The following IQCJ variants were observed in gnomAD, a reference collection of about 807,000 sequenced individuals.
The protein encoded by IQCJ is IQ domain-containing protein J.
Under a neutral mutation model 11.0 loss-of-function variants are expected in IQCJ, and 9 were observed. That is an observed-to-expected ratio of 0.82 (90% confidence interval 0.49 to 1.43). The LOEUF is 1.43. Among genes scored for constraint, IQCJ ranks in the 40% most tolerant of loss-of-function variants. The probability of loss-of-function intolerance (pLI) is 0.00; values close to 1 mark genes in which losing one functional copy is unlikely to be tolerated. For missense variants in IQCJ, 146 were observed against 133.2 expected, an observed-to-expected ratio of 1.10 and a Z score of -0.47; for synonymous variants, 55 against 51.3, an observed-to-expected ratio of 1.07 and a Z score of -0.31.
intron 1 of IQCJ, among the ~76,000 whole-genome samples, chr3:159,244,796 T>C (rs2108192587): frequency 6.6e-6 from 1 of 152,260 alleles, no homozygotes; most frequent in Middle Eastern, 3.4e-3. Flanking sequence ...GTTATAATCA[T>C]GTAGAGGCTA....
chr3:159,078,797 T>G (rs891822873), intron 1 of IQCJ, among the ~76,000 whole-genome samples: 9 of 152,096 alleles, frequency 5.9e-5, no homozygotes, highest in African/African-American at 2.2e-4. Flanking sequence ...TAGTCCTTAC[T>G]AGCCATATAA....
chr3:159,214,568 C>G (rs981929907), intron 1 of IQCJ, among the ~76,000 whole-genome samples: 3 of 152,190 alleles, frequency 2.0e-5, no homozygotes, highest in African/African-American at 7.2e-5. Context: ...CTTTCAATGA[C>G]TCAATTTCTA....
intron 1 of IQCJ, among the ~76,000 whole-genome samples, chr3:159,232,077 A>G (rs1726286695): frequency 6.6e-6 from 1 of 152,048 alleles, no homozygotes. Flanking sequence ...TTTTCAAAAA[A>G]CCAGCTCCTG....
chr3:159,110,132 A>G (rs561897950), intron 1 of IQCJ, among the ~76,000 whole-genome samples: 3 of 152,324 alleles, frequency 2.0e-5, no homozygotes, highest in South Asian at 4.2e-4. Flanking sequence ...GAGGTGGACA[A>G]TGTAGGCTTC....
At chr3:159,083,732 T>C (rs1716494670) in intron 1 of IQCJ, among the ~76,000 whole-genome samples, 2 of 152,174 alleles carry the variant, frequency 1.3e-5, no homozygotes. Flanking sequence ...GTGTGACTGG[T>C]TAGTCAAACT....
At chr3:159,130,159 G>A (rs1050126074) in intron 1 of IQCJ, among the ~76,000 whole-genome samples, 8 of 152,088 alleles carry the variant, frequency 5.3e-5, no homozygotes, top group Admixed American at 4.6e-4. Flanking sequence ...AGAATGTTAT[G>A]TAAATAGAAT....
intron 1 of IQCJ, among the ~76,000 whole-genome samples, chr3:159,154,333 A>G (rs1027369434): frequency 6.6e-6 from 1 of 152,178 alleles, no homozygotes; most frequent in Non-Finnish European, 1.5e-5. Context: ...CATGGACCCA[A>G]ACACAATGAG....
At chr3:159,092,018 C>G (rs943861584) in intron 1 of IQCJ, among the ~76,000 whole-genome samples, 6 of 151,690 alleles carry the variant, frequency 4.0e-5, no homozygotes, top group African/African-American at 1.5e-4. Flanking sequence ...TATTCTCATA[C>G]TCTCAAAGTC....
At chr3:159,072,503 G>A (rs1046332210) in intron 1 of IQCJ, among the ~76,000 whole-genome samples, 1 of 151,946 alleles carries the variant, frequency 6.6e-6, no homozygotes, top group Non-Finnish European at 1.5e-5. Context: ...ACAGAGTTGG[G>A]CTTTAAATTT....
intron 1 of IQCJ, among the ~76,000 whole-genome samples, chr3:159,223,224 A>G (rs934663982): frequency 6.6e-6 from 1 of 152,132 alleles, no homozygotes; most frequent in Admixed American, 6.6e-5. Flanking sequence ...ATGTGAGCCT[A>G]TGAAGTGATG....
At chr3:159,069,763 C>A (rs992922780) in intron 1 of IQCJ, 1 of 541,316 alleles carries the variant, frequency 1.8e-6, no homozygotes, top group Non-Finnish European at 3.5e-6. Context: ...TACACAACAA[C>A]AGCAAGTAGA....
At chr3:159,071,474 T>A (rs1715556412) in intron 1 of IQCJ, among the ~76,000 whole-genome samples, 1 of 152,060 alleles carries the variant, frequency 6.6e-6, no homozygotes, top group African/African-American at 2.4e-5. Flanking sequence ...GCTAAAGATT[T>A]ACTAGCACCT....
At chr3:159,234,217 C>T (rs1726439902) in intron 1 of IQCJ, among the ~76,000 whole-genome samples, 1 of 152,160 alleles carries the variant, frequency 6.6e-6, no homozygotes, top group African/African-American at 2.4e-5. Context: ...GCATATTTTG[C>T]TATTTTTATA....
chr3:159,247,814 G>A (rs926185424), intron 2 of IQCJ, among the ~76,000 whole-genome samples: 1 of 152,142 alleles, frequency 6.6e-6, no homozygotes, highest in Non-Finnish European at 1.5e-5. Context: ...TTTATGGCTT[G>A]CATCATGGAA....
chr3:159,124,944 G>C (rs1254270431), intron 1 of IQCJ, among the ~76,000 whole-genome samples: 1 of 152,102 alleles, frequency 6.6e-6, no homozygotes, highest in African/African-American at 2.4e-5. Flanking sequence ...ATACTCGCAA[G>C]GTACATTCTA....
intron 2 of IQCJ, among the ~76,000 whole-genome samples, chr3:159,249,193 G>A (rs1045778396): frequency 6.6e-6 from 1 of 151,896 alleles, no homozygotes; most frequent in Non-Finnish European, 1.5e-5. Flanking sequence ...AGTTTTTTTT[G>A]TTCTGCTAAC....
In IQCJ at chr3:159,104,896, A is replaced by C. The variant is rs1161923194; in HGVS notation, c.9+35455A>C. ...TTCCTTATTGAAACCAAGGTCACAC[A>C]TTGTTATAATGCTGTACTAGTCAAT... On this transcript the variant is annotated intron_variant, in intron 1 of 3. Coordinates refer to ENST00000397832, the MANE Select transcript of IQCJ (RefSeq NM_001042706.3). Among the ~76,000 whole-genome samples, 4 of 152,188 alleles carry C rather than the reference A, an allele frequency of 2.6e-5. No individual in the cohort carries two copies. The East Asian group carries it at 7.7e-4, about 29-fold the overall frequency.
intron 1 of IQCJ, among the ~76,000 whole-genome samples, chr3:159,195,892 G>T (rs978010994): frequency 2.0e-5 from 3 of 152,218 alleles, no homozygotes; most frequent in Non-Finnish European, 4.4e-5. Flanking sequence ...TTATTAAGTG[G>T]ACAGTACAGT....
intron 1 of IQCJ, among the ~76,000 whole-genome samples, chr3:159,190,421 C>T (rs753604829): frequency 2.6e-4 from 39 of 152,200 alleles, no homozygotes; most frequent in Admixed American, 2.1e-3. Flanking sequence ...TTTACAGTCT[C>T]ATTAGGGAAT....
Sources: gnomAD v4.1 joint callset for allele counts (sites outside exome capture counted in the v4.1 genomes callset) on GRCh38, gnomAD v4.1.1 for gene constraint, MANE v1.5 for transcripts, NCBI Gene and HGNC (gene_info 2026-07-23, HGNC 2026-07-21) for gene names.